Variants in CHLSN observed in about 807,000 individuals in gnomAD.
The protein encoded by CHLSN is protein cholesin.
the CHLSN span, among the ~76,000 whole-genome samples, chr7:1,061,225 T>A: frequency 0.11 from 17,419 of 152,148 alleles, 1,225 homozygotes; most frequent in Middle Eastern, 0.26. Context: ...GGGACTGGCC[T>A]GCATTCAATA....
the CHLSN span, among the ~76,000 whole-genome samples, chr7:1,102,916 C>T: frequency 6.6e-5 from 10 of 152,258 alleles, no homozygotes; most frequent in Admixed American, 6.5e-4. Flanking sequence ...AATGCCCCGT[C>T]CCCTGCAGCA....
the CHLSN span, among the ~76,000 whole-genome samples, chr7:1,083,128 G>A: frequency 2.0e-5 from 3 of 152,350 alleles, no homozygotes; most frequent in Admixed American, 2.0e-4. Context: ...CCCCTGGCAC[G>A]ACGCTCCCAG....
the CHLSN span, among the ~76,000 whole-genome samples, chr7:1,136,319 C>CATAAATAT: frequency 2.4e-5 from 2 of 84,106 alleles, no homozygotes; most frequent in Non-Finnish European, 4.0e-5. Context: ...TATATATAAA[C>CATAAATAT]ATAAATATAT....
At chr7:993,440 G>A in the CHLSN span, among the ~76,000 whole-genome samples, 100 of 152,282 alleles carry the variant, frequency 6.6e-4, no homozygotes, top group Middle Eastern at 3.4e-3. Flanking sequence ...AGTGGGGAGC[G>A]GACAGCGCCG....
At chr7:1,078,355 G>T in the CHLSN span, among the ~76,000 whole-genome samples, 1 of 152,004 alleles carries the variant, frequency 6.6e-6, no homozygotes, top group East Asian at 1.9e-4. Flanking sequence ...GGGGTGGGGG[G>T]GGGCTCAGGC....
the CHLSN span, among the ~76,000 whole-genome samples, chr7:1,135,752 G>C: frequency 7.0e-6 from 1 of 143,688 alleles, no homozygotes; most frequent in Admixed American, 7.3e-5. Context: ...ACAACAGAGT[G>C]AGACTCCACC....
chr7:1,084,948 G>A, the CHLSN span, among the ~76,000 whole-genome samples: 1 of 152,338 alleles, frequency 6.6e-6, no homozygotes, highest in Middle Eastern at 3.4e-3. Flanking sequence ...GCAGGAAGGG[G>A]TTGCTCAGTC....
the CHLSN span, among the ~76,000 whole-genome samples, chr7:1,007,647 G>C: frequency 1.3e-5 from 2 of 152,204 alleles, no homozygotes; most frequent in African/African-American, 4.8e-5. Context: ...CCCAGGCCTT[G>C]GAAGAAGCTC....
chr7:1,027,566 G>C, the CHLSN span, among the ~76,000 whole-genome samples: 1 of 152,278 alleles, frequency 6.6e-6, no homozygotes, highest in African/African-American at 2.4e-5. Context: ...AGAGCCTCTT[G>C]AAGGAGCTGC....
the CHLSN span, among the ~76,000 whole-genome samples, chr7:1,113,837 C>T: frequency 3.9e-5 from 6 of 152,154 alleles, no homozygotes; most frequent in Non-Finnish European, 5.9e-5. Flanking sequence ...TGGCAGGCTT[C>T]GAGGGGCAAA....
the CHLSN span, chr7:1,058,282 A>C: frequency 1.3e-5 from 10 of 773,348 alleles, no homozygotes. Flanking sequence ...CTGCTGGGGC[A>C]CACGGTCATC....
At chr7:1,137,680 C>A in the CHLSN span, 2 of 152,036 alleles carry the variant, frequency 1.3e-5, no homozygotes, top group African/African-American at 4.8e-5. Flanking sequence ...TGGTGGCGCG[C>A]GCATGTGGTC....
At chr7:1,070,334 C>T in the CHLSN span, among the ~76,000 whole-genome samples, 164 of 141,576 alleles carry the variant, frequency 1.2e-3, 6 homozygotes, top group Middle Eastern at 8.2e-3. Flanking sequence ...CCTGGCCAGC[C>T]GTGCCGTCCG....
chr7:1,093,192 G>C, the CHLSN span: 5 of 525,642 alleles, frequency 9.5e-6, no homozygotes, highest in East Asian at 2.2e-4. Flanking sequence ...AAACATTTCT[G>C]ACACCGTCGA....
At chr7:1,026,324 CCAGCTGCTGGGCGCGCAA>C in the CHLSN span, 3 of 152,264 alleles carry the variant, frequency 2.0e-5, no homozygotes, top group Non-Finnish European at 2.9e-5. Flanking sequence ...AGCCAGCGCT[CCAGCTGCTGGGCGCGCAA>C]CAGCTGTCCC....
chr7:1,135,350 T>C, the CHLSN span, among the ~76,000 whole-genome samples: 4 of 152,192 alleles, frequency 2.6e-5, no homozygotes, highest in Admixed American at 6.5e-5. Flanking sequence ...TGTATATACA[T>C]ATAGTTATAT....
At chr7:1,096,051 C>A in the CHLSN span, among the ~76,000 whole-genome samples, 5 of 152,334 alleles carry the variant, frequency 3.3e-5, no homozygotes, top group East Asian at 9.7e-4. This position sits in a 1 kb window ranked among gnomAD's most constrained non-coding sequence, Gnocchi z 4.6. Flanking sequence ...CATTCCTCCA[C>A]GTCAACCCAC....
chr7:1,093,425 G>A, the CHLSN span: 85 of 462,506 alleles, frequency 1.8e-4, 1 homozygote, highest in Admixed American at 1.6e-3. Flanking sequence ...GTGCACGCCT[G>A]AGCGTCCTCC....
chr7:1,116,264 G>A, the CHLSN span, among the ~76,000 whole-genome samples: 73 of 137,292 alleles, frequency 5.3e-4, no homozygotes, highest in East Asian at 6.9e-3. Context: ...TCTACGGACC[G>A]GCTTCCATCA....
Sources: allele counts gnomAD v4.1 joint callset (sites outside exome capture counted in the v4.1 genomes callset), GRCh38; gene constraint gnomAD v4.1.1; non-coding constraint Gnocchi (gnomAD v3.1); transcripts MANE v1.5; gene names NCBI Gene and HGNC (gene_info 2026-07-23, HGNC 2026-07-21).